MLIP: variants seen among roughly 807,000 people sequenced by gnomAD.
MLIP encodes the protein muscular LMNA interacting protein.
In MLIP, 79 loss-of-function variants were observed where a neutral mutation model predicts 84.8. The ratio of observed to expected loss-of-function variants is 0.93; its 90% CI spans 0.78 to 1.12. The LOEUF (loss-of-function observed/expected upper bound fraction) is 1.12, where lower values mean the gene tolerates loss of function less well. Ranked by LOEUF, MLIP falls within the 50% of genes most tolerant of loss-of-function variation. The pLI, the probability that MLIP is intolerant of heterozygous loss-of-function variation, is 0.00. For missense variants in MLIP, 1,257 were observed against 1,160.6 expected, an observed-to-expected ratio of 1.08 and a Z score of -1.21; for synonymous variants, 504 against 463.0, an observed-to-expected ratio of 1.09 and a Z score of -1.14.
intron 3 of MLIP, among the ~76,000 whole-genome samples, chr6:54,131,561 G>A (rs1357141563): frequency 6.7e-6 from 1 of 148,364 alleles, no homozygotes; most frequent in Admixed American, 6.6e-5. Context: ...TAAAAGGAAG[G>A]AATTCTATAA....
At chr6:54,246,859 G>A (rs891176836) in intron 12 of MLIP, among the ~76,000 whole-genome samples, 7 of 152,054 alleles carry the variant, frequency 4.6e-5, no homozygotes, top group African/African-American at 1.7e-4. Context: ...CATAGATAGT[G>A]TTCAATTCTA....
intron 5 of MLIP, among the ~76,000 whole-genome samples, chr6:54,152,418 C>A (rs1773546385): frequency 6.6e-6 from 1 of 152,086 alleles, no homozygotes; most frequent in Non-Finnish European, 1.5e-5. Context: ...ACTTACAGTT[C>A]CACATGGCTG....
intron 11 of MLIP, among the ~76,000 whole-genome samples, chr6:54,220,471 A>G (rs1780144145): frequency 6.6e-6 from 1 of 152,196 alleles, no homozygotes; most frequent in African/African-American, 2.4e-5. Flanking sequence ...CTGCTGAAGT[A>G]TTTATTGCAG....
rs374203719 is a variant in MLIP at position 54,124,564 on chromosome 6, C to T, written c.344C>T (p.Thr115Met). The T allele has an allele frequency of 2.4e-5, 38 of 1,613,984 alleles. No homozygotes were observed. In the Middle Eastern group the frequency reaches 6.6e-4, roughly 28 times the overall value. The part of the protein sequence containing the change: ...KLTCPSEVSG[T>M]ILQEREFEAN... ...ACTTGTCCTTCAGAGGTCAGTGGAA[C>T]GATTTTACAAGAAAGGGAATTCGAA... The change falls in exon 3 of 14, where the codon ACG becomes ATG. Residue 115 changes from threonine to methionine, a missense_variant. By Grantham distance (81) the Thr-to-Met change is moderately conservative (BLOSUM62 -1). Coordinates refer to ENST00000502396, the MANE Select transcript of MLIP (RefSeq NM_001281747.2).
intron 12 of MLIP, among the ~76,000 whole-genome samples, chr6:54,232,399 C>A (rs142394919): frequency 2.6e-5 from 4 of 152,112 alleles, no homozygotes; most frequent in Non-Finnish European, 4.4e-5. Flanking sequence ...CTGAGAAGAA[C>A]AAAAGCTGTG....
intron 1 of MLIP, among the ~76,000 whole-genome samples, chr6:54,063,721 CGTGTGT>C (rs368630379): frequency 0.05 from 7,232 of 143,214 alleles, 544 homozygotes; most frequent in African/African-American, 0.17. Flanking sequence ...AGGTCAGTGG[CGTGTGT>C]GTGTGTGTGT....
chr6:54,108,019 A>AT (rs989104552), upstream of MLIP, among the ~76,000 whole-genome samples: 17 of 151,986 alleles, frequency 1.1e-4, no homozygotes, highest in Admixed American at 9.8e-4. Flanking sequence ...GTTCTGTATT[A>AT]TTTTTTTAAA....
chr6:54,093,202 C>T (rs1007869350), intron 1 of MLIP, among the ~76,000 whole-genome samples: 2 of 152,110 alleles, frequency 1.3e-5, no homozygotes, highest in South Asian at 2.1e-4. Flanking sequence ...TAAAGCTGCA[C>T]AGAGCTCTCA....
intron 1 of MLIP, among the ~76,000 whole-genome samples, chr6:54,105,017 A>G (rs1768909698): frequency 6.6e-6 from 1 of 152,220 alleles, no homozygotes; most frequent in Non-Finnish European, 1.5e-5. Context: ...TGATATTCTA[A>G]GAAGGGCACG....
At chr6:54,209,227 C>A (rs1779249412) in intron 11 of MLIP, among the ~76,000 whole-genome samples, 2 of 152,184 alleles carry the variant, frequency 1.3e-5, no homozygotes, top group South Asian at 4.2e-4. Flanking sequence ...TAATTGGGAA[C>A]CTTCTCTTCC....
chr6:54,077,077 G>T (rs1766851064), intron 1 of MLIP, among the ~76,000 whole-genome samples: 1 of 152,024 alleles, frequency 6.6e-6, no homozygotes, highest in Non-Finnish European at 1.5e-5. Flanking sequence ...TTTGCCTGTT[G>T]CTTTGCCAGA....
intron 1 of MLIP, among the ~76,000 whole-genome samples, chr6:54,053,802 G>A (rs965173242): frequency 6.6e-6 from 1 of 152,138 alleles, no homozygotes; most frequent in African/African-American, 2.4e-5. Flanking sequence ...GTGTCTATTT[G>A]AGAATTGAAT....
chr6:54,104,944 A>C (rs1768904712), intron 1 of MLIP, among the ~76,000 whole-genome samples: 1 of 152,178 alleles, frequency 6.6e-6, no homozygotes. Flanking sequence ...AGGATATGGA[A>C]TATACCAATT....
chr6:54,130,761 T>C (rs992974121), intron 3 of MLIP, among the ~76,000 whole-genome samples: 27 of 152,236 alleles, frequency 1.8e-4, no homozygotes, highest in African/African-American at 6.0e-4. Context: ...AGAGGCAGTG[T>C]TGCTGAAATT....
At chr6:54,246,792 T>C (rs1312357276) in intron 12 of MLIP, among the ~76,000 whole-genome samples, 1 of 152,150 alleles carries the variant, frequency 6.6e-6, no homozygotes, top group African/African-American at 2.4e-5. Context: ...TGTATTGATA[T>C]CTGTATCTTC....
chr6:54,066,354 A>G (rs1766227226), intron 1 of MLIP, among the ~76,000 whole-genome samples: 3 of 100,638 alleles, frequency 3.0e-5, no homozygotes, highest in Admixed American at 2.8e-4. Context: ...GGCTCATAAA[A>G]CCCTCATTAT....
At chr6:54,175,336 G>A (rs546498430) in intron 9 of MLIP, among the ~76,000 whole-genome samples, 28 of 152,104 alleles carry the variant, frequency 1.8e-4, no homozygotes, top group Admixed American at 5.9e-4. Flanking sequence ...ACTTTGGGTA[G>A]TATGGACATT....
At chr6:54,103,548 T>G (rs1448988845) in intron 1 of MLIP, among the ~76,000 whole-genome samples, 1 of 152,204 alleles carries the variant, frequency 6.6e-6, no homozygotes, top group East Asian at 1.9e-4. Flanking sequence ...CTAAAGCCCA[T>G]GCTCTCAACT....
At chr6:54,196,635 T>C (rs1471223116) in intron 10 of MLIP, among the ~76,000 whole-genome samples, 1 of 152,196 alleles carries the variant, frequency 6.6e-6, no homozygotes, top group Middle Eastern at 3.4e-3. Flanking sequence ...TCAGTACCTC[T>C]TATAGACTCC....
Sources: allele counts gnomAD v4.1 joint callset (sites outside exome capture counted in the v4.1 genomes callset), GRCh38; gene constraint gnomAD v4.1.1; transcripts MANE v1.5; gene names NCBI Gene and HGNC (gene_info 2026-07-23, HGNC 2026-07-21).